Variants in NCALD observed in about 807,000 individuals in gnomAD.
The protein encoded by NCALD is neurocalcin-delta.
NCALD carries 10 observed loss-of-function variants against 18.6 expected under a neutral mutation model. That is an observed-to-expected ratio of 0.54 (90% CI 0.33 to 0.91). The LOEUF is 0.91. Ranked by LOEUF, NCALD falls within the 40% of genes least tolerant of loss-of-function variation. The probability of loss-of-function intolerance (pLI) is 0.03; values close to 1 mark genes in which losing one functional copy is unlikely to be tolerated. For missense variants in NCALD, 184 were observed against 247.6 expected (o/e 0.74, Z 1.72); for synonymous variants, 88 against 87.4 (o/e 1.01, Z -0.04).
At position 102,017,329 on chromosome 8, in the gene NCALD, T is replaced by C. The variant is rs1251924725; in HGVS notation, c.-157+2908A>G. Among the ~76,000 whole-genome samples the C allele has an allele frequency of 2.0e-5, 3 of 151,882 alleles. No homozygotes were observed. The East Asian group carries it at 5.8e-4, about 29-fold the overall frequency. ...TCAAAATGGATCATAAAACTAAATA[T>C]AAAGCTTAAAGCTTTAAAATTTCTA... On this transcript the variant is annotated intron_variant, in intron 2 of 6. Transcript: ENST00000311028.
intron 1 of NCALD, among the ~76,000 whole-genome samples, chr8:102,043,535 G>A (rs1056914427): frequency 6.6e-6 from 1 of 151,616 alleles, no homozygotes. Flanking sequence ...GAGAAGGAAA[G>A]GTCAAAAGAA....
intron 1 of NCALD, chr8:101,785,994 G>A (rs1812210559): frequency 6.6e-6 from 1 of 152,218 alleles, no homozygotes; most frequent in Non-Finnish European, 1.5e-5. Flanking sequence ...TTGTTTTGAT[G>A]TTCTGTTTTG....
intron 1 of NCALD, among the ~76,000 whole-genome samples, chr8:102,037,890 G>A (rs1449723579): frequency 6.6e-6 from 1 of 152,106 alleles, no homozygotes; most frequent in Admixed American, 6.5e-5. Context: ...GATCTGAACT[G>A]ATAGCACTTT....
chr8:101,847,756 A>T (rs1814927197), intron 4 of NCALD, among the ~76,000 whole-genome samples: 1 of 152,130 alleles, frequency 6.6e-6, no homozygotes, highest in South Asian at 2.1e-4. Context: ...TGAACATGGG[A>T]CCCAAGGAGA....
intron 1 of NCALD, among the ~76,000 whole-genome samples, chr8:102,022,571 C>G (rs1822312121): frequency 6.6e-6 from 1 of 152,166 alleles, no homozygotes; most frequent in African/African-American, 2.4e-5. Context: ...CTGGTCTCAT[C>G]CTCCAGATCC....
chr8:101,752,399 C>T (rs1313254890), intron 1 of NCALD, among the ~76,000 whole-genome samples: 1 of 152,108 alleles, frequency 6.6e-6, no homozygotes, highest in African/African-American at 2.4e-5. Context: ...ACAAACCTAA[C>T]CAAAATAATT....
chr8:101,929,647 G>GGGAGGGAGGAAGGAAGGAAAGGAA (rs1366045855), intron 2 of NCALD, among the ~76,000 whole-genome samples: 172 of 123,144 alleles, frequency 1.4e-3, no homozygotes, highest in African/African-American at 4.5e-3. Context: ...GAGGCAGGGA[G>GGGAGGGAGGAAGGAAGGAAAGGAA]GGAGGGAGGA....
At chr8:102,072,090 T>C (rs1824195353) in intron 1 of NCALD, among the ~76,000 whole-genome samples, 1 of 152,182 alleles carries the variant, frequency 6.6e-6, no homozygotes, top group African/African-American at 2.4e-5. Flanking sequence ...AAAACTATAG[T>C]TGTTAAGACA....
In NCALD at chr8:101,853,911, G is replaced by A. The variant is rs1213130573; in HGVS notation, c.-20+33230C>T. Among the ~76,000 whole-genome samples, 3 of 152,134 alleles carry A rather than the reference G, an allele frequency of 2.0e-5. No individual in the cohort carries two copies. The East Asian group carries it at 5.8e-4, about 29-fold the overall frequency. On this transcript the variant is annotated intron_variant, in intron 4 of 6. Coordinates refer to the NCALD transcript ENST00000311028. ...AAAACCAAACCCATTTGAAACACAA[G>A]CTCTTACACATCAAAAGTCAGGGGA...
At chr8:102,053,944 T>C (rs775212732) in intron 1 of NCALD, among the ~76,000 whole-genome samples, 4 of 152,126 alleles carry the variant, frequency 2.6e-5, no homozygotes, top group Non-Finnish European at 5.9e-5. Flanking sequence ...GCTTTACATC[T>C]TTCTTTCTAA....
At chr8:102,120,895 CAT>C (rs989189509) in intron 1 of NCALD, among the ~76,000 whole-genome samples, 1 of 152,198 alleles carries the variant, frequency 6.6e-6, no homozygotes, top group Non-Finnish European at 1.5e-5. Flanking sequence ...ACTTTTAACT[CAT>C]GTGCTCTATC....
chr8:102,003,128 A>G (rs1001776982), intron 2 of NCALD, among the ~76,000 whole-genome samples: 6 of 152,166 alleles, frequency 3.9e-5, no homozygotes, highest in African/African-American at 1.4e-4. Context: ...TTGATAGACC[A>G]CTAGCAAGAC....
chr8:101,810,117 T>G (rs1381322487), intron 4 of NCALD, among the ~76,000 whole-genome samples: 1 of 152,184 alleles, frequency 6.6e-6, no homozygotes, highest in African/African-American at 2.4e-5. Context: ...TTGTTGAGTT[T>G]CTGTGCAAAA....
intron 4 of NCALD, among the ~76,000 whole-genome samples, chr8:101,837,431 T>G (rs1233403285): frequency 3.3e-5 from 5 of 152,238 alleles, no homozygotes; most frequent in Non-Finnish European, 7.3e-5. Flanking sequence ...CATTTGGATA[T>G]CTACACAGTT....
At chr8:102,083,926 C>A (rs764780882) in intron 1 of NCALD, among the ~76,000 whole-genome samples, 1 of 152,208 alleles carries the variant, frequency 6.6e-6, no homozygotes, top group Non-Finnish European at 1.5e-5. Context: ...TCTGCCTCCA[C>A]CAGGCACTGG....
chr8:102,010,336 C>A (rs760786507), intron 2 of NCALD, among the ~76,000 whole-genome samples: 1 of 152,176 alleles, frequency 6.6e-6, no homozygotes, highest in Non-Finnish European at 1.5e-5. Context: ...CCACTGACCC[C>A]AAATAGTTGC....
chr8:101,829,257 A>G (rs1407363207), intron 4 of NCALD, among the ~76,000 whole-genome samples: 6 of 152,232 alleles, frequency 3.9e-5, no homozygotes, highest in Non-Finnish European at 8.8e-5. Flanking sequence ...AAAATGAATA[A>G]CTGAATAACT....
chr8:101,814,845 G>A (rs914094085), intron 4 of NCALD, among the ~76,000 whole-genome samples: 1 of 151,892 alleles, frequency 6.6e-6, no homozygotes, highest in African/African-American at 2.4e-5. Context: ...CATTTACATT[G>A]GCATCCTCCA....
At chr8:101,705,363 T>G (rs1318869793) in intron 2 of NCALD, among the ~76,000 whole-genome samples, 1 of 152,198 alleles carries the variant, frequency 6.6e-6, no homozygotes, top group Non-Finnish European at 1.5e-5. Flanking sequence ...AAGATTACTC[T>G]GGCATCAGTG....
Sources: allele counts gnomAD v4.1 joint callset (sites outside exome capture counted in the v4.1 genomes callset), GRCh38; gene constraint gnomAD v4.1.1; transcripts MANE v1.5; gene names NCBI Gene and HGNC (gene_info 2026-07-23, HGNC 2026-07-21).